Variants in ACTG2 observed in about 807,000 individuals in gnomAD.
The protein encoded by ACTG2 is actin gamma 2, smooth muscle.
A neutral mutation model predicts 37.6 loss-of-function variants in ACTG2; 16 were observed. That is an observed-to-expected ratio of 0.43 (90% CI 0.29 to 0.65). ACTG2 has a LOEUF of 0.65. ACTG2 is among the 30% of genes least tolerant of loss of function. The pLI, the probability that ACTG2 is intolerant of heterozygous loss-of-function variation, is 0.18. For synonymous variants in ACTG2, 181 were observed against 179.9 expected (o/e 1.01, Z -0.05); for missense variants, 238 against 490.9 (o/e 0.48, Z 4.87).
At chr2:73,906,993 G>A (rs1408096432) in intron 3 of ACTG2, among the ~76,000 whole-genome samples, 2 of 152,130 alleles carry the variant, frequency 1.3e-5, no homozygotes, top group African/African-American at 4.8e-5. Flanking sequence ...ACCAGTTGCT[G>A]TCCTTCAGGC....
rs1005251893 is a variant in ACTG2, at chr2:73,919,732, C to A, written c.*157C>A. The A allele has an allele frequency of 3.9e-6, 3 of 767,434 alleles. No individual in the cohort carries two copies. The highest frequency in any genetic ancestry group is 6.0e-6 in the Non-Finnish European group (3 of 501,236). 47.5% of individuals were successfully genotyped at this position (767,434 alleles called of 1,614,324 possible). The stretch of plus-strand genomic sequence containing the variant: ...GGACTTTTCACACATTACTTTTAAT[C>A]CATGCAATAGTGCTGTAAGGTAGGT... On this transcript the variant is annotated 3_prime_UTR_variant, in exon 9 of 9. Transcript: ENST00000345517.
intron 2 of ACTG2, 138 bp downstream of exon 2, chr2:73,901,575 T>TAGGGA (rs1679881032): frequency 1.1e-5 from 1 of 93,082 alleles, no homozygotes; most frequent in Non-Finnish European, 1.7e-5. Flanking sequence ...TGTGTGTGTG[T>TAGGGA]GTGTGTCTGT....
At chr2:73,916,457 C>T (rs1352463982) in intron 7 of ACTG2, 127 bp from the exon 8 acceptor site, 4 of 773,952 alleles carry the variant, frequency 5.2e-6, no homozygotes, top group Non-Finnish European at 8.2e-6. Context: ...TCTTATAATC[C>T]TTCTGGGAGA....
intron 1 of ACTG2, among the ~76,000 whole-genome samples, chr2:73,898,906 C>T (rs1573459304): frequency 6.6e-6 from 1 of 151,256 alleles, no homozygotes; most frequent in Admixed American, 6.6e-5. Flanking sequence ...GGGTTCACGC[C>T]ATTCTCCTGC....
intron 5 of ACTG2, among the ~76,000 whole-genome samples, chr2:73,910,793 A>T (rs1680117037): frequency 6.6e-6 from 1 of 151,986 alleles, no homozygotes; most frequent in African/African-American, 2.4e-5. Context: ...CGAACTCCTG[A>T]TCTCAAGTGA....
chr2:73,894,655 C>A (rs1416848506), intron 1 of ACTG2, among the ~76,000 whole-genome samples: 1 of 151,758 alleles, frequency 6.6e-6, no homozygotes, highest in East Asian at 1.9e-4. Flanking sequence ...AGGAGCCCAT[C>A]ACTCAACCCA....
intron 6 of ACTG2, 25 bp from the exon 7 acceptor site, chr2:73,914,655 C>T: frequency 1.3e-6 from 2 of 1,523,160 alleles, no homozygotes; most frequent in Non-Finnish European, 1.8e-6. Context: ...CAGTATTCAC[C>T]TTCTGTCATT....
At chr2:73,908,577 T>C in intron 3 of ACTG2, 96 bp from the exon 4 acceptor site, 1 of 1,051,190 alleles carries the variant, frequency 9.5e-7, no homozygotes, top group Admixed American at 2.5e-5. Flanking sequence ...CCATCCTGTG[T>C]AACATGGTGC....
chr2:73,898,351 T>C (rs1039610003), intron 1 of ACTG2, among the ~76,000 whole-genome samples: 1 of 29,170 alleles, frequency 3.4e-5, no homozygotes, highest in Admixed American at 6.9e-4. Context: ...CCAAAGCAAC[T>C]TGCACCTTTT....
intron 3 of ACTG2, among the ~76,000 whole-genome samples, chr2:73,907,057 C>G (rs1680032045): frequency 6.6e-6 from 1 of 152,216 alleles, no homozygotes; most frequent in Non-Finnish European, 1.5e-5. Flanking sequence ...CCCTCTGCCT[C>G]GGATGCCTTT....
At chr2:73,910,496 CT>C (rs1207318059) in intron 5 of ACTG2, among the ~76,000 whole-genome samples, 4,788 of 80,552 alleles carry the variant, frequency 0.059, 72 homozygotes, top group Non-Finnish European at 0.069. Flanking sequence ...CCTCCCATGA[CT>C]TTTTTTTTTT....
chr2:73,902,158 C>T (rs1024433630), intron 2 of ACTG2, among the ~76,000 whole-genome samples: 11 of 152,034 alleles, frequency 7.2e-5, no homozygotes, highest in Non-Finnish European at 1.5e-5. Flanking sequence ...AAGGCCACCA[C>T]ACAAGAAATC....
chr2:73,901,532 ATGTGTGTGTGTG>A lies in ACTG2; in HGVS notation c.126+133_126+144del, dbSNP rs58042852. On this transcript the variant is annotated intron_variant, in intron 2 of 8. Transcript: ENST00000345517. Reference sequence around the variant, plus strand: ...CTGAGCTGGGGGTTAGGGGAAGGAAATGTGTGTGTGTGTGTGTGTGTGTGTGTGTGTGTGTGT... The same window carrying A: ...CTGAGCTGGGGGTTAGGGGAAGGAAATGTGTGTGTGTGTGTGTGTGTGTGT... The A allele has an allele frequency of 5.0e-4, 577 of 1,144,928 alleles. 1 individual carries two copies. In the East Asian group the frequency reaches 8.6e-3, roughly 17 times the overall value. The allele number at this position is 1,144,928 out of a possible 1,614,324, so 70.9% of individuals were successfully genotyped here. A position where few individuals can be genotyped will look rare whatever the true frequency, so the allele number is the denominator to read the frequency against.
At chr2:73,917,624 A>G (rs575413775) in intron 8 of ACTG2, among the ~76,000 whole-genome samples, 1 of 152,380 alleles carries the variant, frequency 6.6e-6, no homozygotes, top group South Asian at 2.1e-4. Flanking sequence ...AAGTCTCACA[A>G]TAAAGCTGGT....
chr2:73,894,787 T>A (rs1316725452), intron 1 of ACTG2, among the ~76,000 whole-genome samples: 2 of 151,946 alleles, frequency 1.3e-5, no homozygotes, highest in Non-Finnish European at 2.9e-5. Flanking sequence ...GTGGCTCAAT[T>A]CCACTGAATT....
At chr2:73,908,236 C>A in intron 3 of ACTG2, 1 of 468,920 alleles carries the variant, frequency 2.1e-6, no homozygotes. Context: ...TCATGGAGGG[C>A]CACGCCATTG....
At chr2:73,912,449 G>A (rs1295292811) in intron 5 of ACTG2, among the ~76,000 whole-genome samples, 3 of 152,194 alleles carry the variant, frequency 2.0e-5, no homozygotes, top group African/African-American at 7.2e-5. Context: ...GAGCCACCGC[G>A]CCCAACCTTG....
rs1280956713 is a variant in ACTG2 at position 73,919,533 on chromosome 2, T to C, written c.1089T>C (p.Tyr363=). The part of the protein sequence containing the change: ...FQQMWISKPE[Y]DEAGPSIVHR... ...AGATGTGGATCAGCAAGCCTGAGTA[T>C]GATGAGGCAGGGCCCTCCATTGTCC... The change falls in exon 9 of 9, where the codon TAT becomes TAC. Residue 363 remains tyrosine, a synonymous_variant. Transcript: ENST00000345517. 1.2e-6 allele frequency: 2 copies of C among 1,614,188 alleles called. No homozygotes were observed. The highest frequency in any genetic ancestry group is 8.5e-7 in the Non-Finnish European group (1 of 1,180,026).
chr2:73,905,985 T>C (rs1342864209), intron 3 of ACTG2, among the ~76,000 whole-genome samples: 1 of 151,196 alleles, frequency 6.6e-6, no homozygotes, highest in Non-Finnish European at 1.5e-5. Context: ...TAATTTGTTA[T>C]AAAAACAAAT....
Sources: allele counts gnomAD v4.1 joint callset (sites outside exome capture counted in the v4.1 genomes callset), GRCh38; gene constraint gnomAD v4.1.1; transcripts MANE v1.5; gene names NCBI Gene and HGNC (gene_info 2026-07-23, HGNC 2026-07-21).